The following ITPR2 variants were observed in gnomAD, a reference collection of about 807,000 sequenced individuals.
ITPR2 encodes inositol 1,4,5-trisphosphate-gated calcium channel ITPR2.
A neutral mutation model predicts 317.1 loss-of-function variants in ITPR2; 207 were observed. That is an observed-to-expected ratio of 0.65 (90% CI 0.58 to 0.73). The LOEUF is 0.73. Among genes scored for constraint, ITPR2 ranks in the 30% least tolerant of loss-of-function variants. The pLI, the probability that ITPR2 is intolerant of heterozygous loss-of-function variation, is 0.00. For synonymous variants in ITPR2, 1,156 were observed against 1,149.1 expected (o/e 1.01, Z -0.12); for missense variants, 2,613 against 3,284.0 (o/e 0.80, Z 4.99).
intron 55 of ITPR2, among the ~76,000 whole-genome samples, chr12:26,362,847 G>A (rs12230852): frequency 0.16 from 24,747 of 152,136 alleles, 2,218 homozygotes; most frequent in African/African-American, 0.22. Flanking sequence ...AGCATAACTG[G>A]GGAATAAAAG....
At chr12:26,582,271 A>C (rs936016968) in intron 32 of ITPR2, among the ~76,000 whole-genome samples, 1 of 152,006 alleles carries the variant, frequency 6.6e-6, no homozygotes, top group Non-Finnish European at 1.5e-5. Context: ...CATACATATG[A>C]ATATTTCTTT....
At chr12:26,556,660 G>A (rs748848421) in intron 35 of ITPR2, among the ~76,000 whole-genome samples, 1 of 150,480 alleles carries the variant, frequency 6.6e-6, no homozygotes, top group Non-Finnish European at 1.5e-5. Context: ...CACCTATAGA[G>A]GAAAAGTCAG....
chr12:26,716,113 A>G (rs747552168), intron 6 of ITPR2, 31 bp downstream of exon 6: 8 of 1,379,706 alleles, frequency 5.8e-6, no homozygotes, highest in Non-Finnish European at 2.1e-6. Context: ...AGAAAAATGA[A>G]CACATTCATT....
At chr12:26,405,366 T>G (rs982780459) in intron 52 of ITPR2, among the ~76,000 whole-genome samples, 21 of 152,160 alleles carry the variant, frequency 1.4e-4, no homozygotes, top group African/African-American at 5.1e-4. Context: ...TTAAATCTCA[T>G]GAAAAGTTTT....
At chr12:26,704,211 T>A (rs1333036378) in intron 9 of ITPR2, among the ~76,000 whole-genome samples, 1 of 152,246 alleles carries the variant, frequency 6.6e-6, no homozygotes, top group Non-Finnish European at 1.5e-5. Context: ...AAACTTCATT[T>A]CTGCTTTAGA....
chr12:26,815,181 A>C (rs1673354722), intron 1 of ITPR2, among the ~76,000 whole-genome samples: 1 of 152,188 alleles, frequency 6.6e-6, no homozygotes, highest in Non-Finnish European at 1.5e-5. Flanking sequence ...TCCACCAAAA[A>C]TTAGCCAGGC....
chr12:26,580,594 T>C lies in ITPR2; in HGVS notation c.4381-439A>G, dbSNP rs562231468. 3.9e-5 allele frequency among the ~76,000 whole-genome samples: 6 copies of C among 152,186 alleles called. 1 individual carries two copies. Among genetic ancestry groups the C allele is most frequent in the African/African-American group, 7.2e-5 (3 of 41,526 alleles). ...TTTTCACTCCCAACCCTCACTCAAA[T>C]TGGAGGACACAAACACAGAAAGCAT... On this transcript the variant is annotated intron_variant, in intron 32 of 56. Coordinates refer to ENST00000381340, the MANE Select transcript of ITPR2 (RefSeq NM_002223.4).
chr12:26,732,568 T>C (rs1949044499), intron 2 of ITPR2, among the ~76,000 whole-genome samples: 1 of 152,154 alleles, frequency 6.6e-6, no homozygotes, highest in Admixed American at 6.5e-5. Context: ...GATCACTGGA[T>C]CTTCACAAGA....
At chr12:26,692,083 G>C (rs1013850806) in intron 10 of ITPR2, among the ~76,000 whole-genome samples, 2 of 152,040 alleles carry the variant, frequency 1.3e-5, no homozygotes, top group East Asian at 3.8e-4. Context: ...TGGTACTCAG[G>C]AAAATTTGAG....
chr12:26,478,042 T>G (rs1451064445), intron 43 of ITPR2, among the ~76,000 whole-genome samples: 2 of 152,096 alleles, frequency 1.3e-5, no homozygotes, highest in African/African-American at 4.8e-5. Context: ...TATCATAGAA[T>G]GAAAATTAAA....
In ITPR2 at chr12:26,522,629, T is replaced by C. The variant is rs78761099; in HGVS notation, c.5074-27369A>G. ...GAATAATACCTACTGCAGATAGTTA[T>C]GGAAATTGAATGAATGGGAAAGTAC... On this transcript the variant is annotated intron_variant, in intron 37 of 56. Coordinates refer to ENST00000381340, the MANE Select transcript of ITPR2 (RefSeq NM_002223.4). Among the ~76,000 whole-genome samples the C allele has an allele frequency of 9.5e-3, 1,451 of 152,330 alleles. 25 individuals carry two copies. Among genetic ancestry groups the C allele is most frequent in the African/African-American group, 0.033 (1,392 of 41,578 alleles).
At chr12:26,449,368 A>G (rs1225550515) in intron 45 of ITPR2, among the ~76,000 whole-genome samples, 1 of 152,178 alleles carries the variant, frequency 6.6e-6, no homozygotes, top group African/African-American at 2.4e-5. Flanking sequence ...CTAATGTGCA[A>G]AATATGGAAG....
At position 26,681,913 on chromosome 12, in the gene ITPR2, T is replaced by C; in HGVS notation, c.1370A>G (p.Lys457Arg). The C allele has an allele frequency of 6.2e-7, 1 of 1,613,420 alleles. No homozygotes were observed. The highest frequency in any genetic ancestry group is 8.5e-7 in the Non-Finnish European group (1 of 1,179,436). Residue 457 changes from lysine to arginine, a missense_variant, in exon 13 of 57, where the codon AAA becomes AGA. Lys to Arg is a conservative substitution (Grantham distance 26, BLOSUM62 2). Coordinates refer to ENST00000381340, the MANE Select transcript of ITPR2 (RefSeq NM_002223.4). ...DANKVLATTV[K>R]KLENGTITQN... ...AGTTATTGTGCCGTTTTCTAGCTTT[T>C]TAACTGTGGTCGCTAGTACTTTATT...
At chr12:26,811,036 CAAAAAAA>C (rs79796097) in intron 1 of ITPR2, among the ~76,000 whole-genome samples, 1,134 of 108,282 alleles carry the variant, frequency 0.01, 11 homozygotes, top group African/African-American at 0.035. Context: ...TTTTAAGTTA[CAAAAAAA>C]AAAAAAAAAA....
chr12:26,574,858 C>A (rs1945239859), intron 34 of ITPR2, among the ~76,000 whole-genome samples: 1 of 151,832 alleles, frequency 6.6e-6, no homozygotes, highest in Non-Finnish European at 1.5e-5. Flanking sequence ...CGGGAACTCA[C>A]CAAGCAAGAA....
At chr12:26,588,711 C>G (rs139021992) in intron 32 of ITPR2, among the ~76,000 whole-genome samples, 1 of 151,884 alleles carries the variant, frequency 6.6e-6, no homozygotes, top group Non-Finnish European at 1.5e-5. Context: ...ATAATAAAAC[C>G]AATTATATCA....
chr12:26,462,479 G>A (rs888618017), intron 45 of ITPR2, among the ~76,000 whole-genome samples: 1 of 152,026 alleles, frequency 6.6e-6, no homozygotes, highest in Non-Finnish European at 1.5e-5. Flanking sequence ...CTCCCAAAGT[G>A]TTGGGATTAT....
intron 39 of ITPR2, among the ~76,000 whole-genome samples, chr12:26,489,108 C>T (rs559605181): frequency 2.0e-5 from 3 of 152,138 alleles, no homozygotes; most frequent in East Asian, 1.9e-4. Context: ...CTGAACAACA[C>T]GATTTTAAAA....
chr12:26,407,777 T>C (rs1427444542), intron 52 of ITPR2, among the ~76,000 whole-genome samples: 1 of 152,226 alleles, frequency 6.6e-6, no homozygotes, highest in Non-Finnish European at 1.5e-5. Context: ...TAATGCCTCT[T>C]TCCTTAGGGT....
Sources: allele counts gnomAD v4.1 joint callset (sites outside exome capture counted in the v4.1 genomes callset), GRCh38; gene constraint gnomAD v4.1.1; transcripts MANE v1.5; gene names NCBI Gene and HGNC (gene_info 2026-07-23, HGNC 2026-07-21).